TENM2: variants seen among roughly 807,000 people sequenced by gnomAD.
The protein encoded by TENM2 is teneurin-2.
Under a neutral mutation model 245.2 loss-of-function variants are expected in TENM2, and 52 were observed. The ratio of observed to expected loss-of-function variants is 0.21; its 90% CI spans 0.17 to 0.27. The LOEUF is 0.27. TENM2 is among the 10% of genes least tolerant of loss of function. TENM2 has a pLI of 1.00. For missense variants in TENM2, 3,046 were observed against 3,666.8 expected (o/e 0.83, Z 4.37); for synonymous variants, 1,363 against 1,438.9 (o/e 0.95, Z 1.19).
the TENM2 span, among the ~76,000 whole-genome samples, chr5:167,086,918 A>AACAC: frequency 9.1e-6 from 1 of 109,938 alleles, no homozygotes; most frequent in Admixed American, 8.6e-5. Context: ...AGGAAACTCT[A>AACAC]ACACACACAC....
intron 1 of TENM2, among the ~76,000 whole-genome samples, chr5:167,338,900 T>C (rs1051973942): frequency 6.6e-5 from 10 of 152,150 alleles, no homozygotes; most frequent in Non-Finnish European, 1.2e-4. Flanking sequence ...TCCTCTTGTT[T>C]TAAGTCATCA....
At chr5:168,200,109 G>T (rs1415939972) in exon 17 of TENM2, 1 of 1,613,528 alleles carries the variant, frequency 6.2e-7, no homozygotes, top group Non-Finnish European at 8.5e-7. Flanking sequence ...GCCAAAGGGT[G>T]TATGGACTCT....
At chr5:167,992,742 T>C (rs1450683926) in intron 4 of TENM2, among the ~76,000 whole-genome samples, 1 of 152,216 alleles carries the variant, frequency 6.6e-6, no homozygotes, top group African/African-American at 2.4e-5. Context: ...TAGATGCATA[T>C]GTGAAAGGAG....
intron 1 of TENM2, among the ~76,000 whole-genome samples, chr5:167,312,993 C>T (rs1367403695): frequency 6.6e-6 from 1 of 151,032 alleles, no homozygotes; most frequent in Non-Finnish European, 1.5e-5. Flanking sequence ...ACCTCTGCTT[C>T]CTGGGTTCAA....
At chr5:167,009,166 G>A in the TENM2 span, among the ~76,000 whole-genome samples, 29 of 152,132 alleles carry the variant, frequency 1.9e-4, 1 homozygote, top group African/African-American at 5.3e-4. Context: ...GTGTCATATC[G>A]TTTATATTGA....
At chr5:167,125,211 G>T in the TENM2 span, among the ~76,000 whole-genome samples, 14 of 152,230 alleles carry the variant, frequency 9.2e-5, no homozygotes, top group African/African-American at 3.4e-4. Flanking sequence ...TACAGTGAGA[G>T]ACCCAAAGGC....
At chr5:167,682,620 G>A (rs1756807569) in intron 2 of TENM2, among the ~76,000 whole-genome samples, 1 of 152,064 alleles carries the variant, frequency 6.6e-6, no homozygotes, top group Admixed American at 6.6e-5. Flanking sequence ...TAGTATTGGT[G>A]TTCCTTTTAT....
At chr5:167,363,625 G>A (rs1177434654) in intron 1 of TENM2, among the ~76,000 whole-genome samples, 2 of 151,046 alleles carry the variant, frequency 1.3e-5, no homozygotes, top group South Asian at 4.2e-4. Flanking sequence ...CAGCTACTCG[G>A]GAGGCTGAGG....
intron 1 of TENM2, among the ~76,000 whole-genome samples, chr5:167,363,730 C>CAAAAAAAAAAAAAAAAAAA (rs10659741): frequency 3.4e-5 from 3 of 89,312 alleles, no homozygotes; most frequent in Admixed American, 1.5e-4. Context: ...GACTCCATCT[C>CAAAAAAAAAAAAAAAAAAA]AAAAAAAAAA....
intron 3 of TENM2, among the ~76,000 whole-genome samples, chr5:167,881,547 C>G (rs1262375135): frequency 1.3e-5 from 2 of 152,132 alleles, no homozygotes; most frequent in African/African-American, 4.8e-5. Context: ...GTCAGGATAT[C>G]AAGTGCAAAC....
chr5:167,577,970 T>C (rs935187400), intron 2 of TENM2, among the ~76,000 whole-genome samples: 2 of 152,152 alleles, frequency 1.3e-5, no homozygotes, highest in East Asian at 1.9e-4. Context: ...AGGGGTGAAA[T>C]GTGAAAACAC....
chr5:167,918,537 CA>C (rs1413377517), intron 3 of TENM2, among the ~76,000 whole-genome samples: 3 of 152,296 alleles, frequency 2.0e-5, no homozygotes, highest in East Asian at 3.9e-4. Flanking sequence ...ACCATAAAGG[CA>C]GGACTGGAAT....
At chr5:167,200,931 A>T in the TENM2 span, among the ~76,000 whole-genome samples, 89 of 152,330 alleles carry the variant, frequency 5.8e-4, no homozygotes, top group Non-Finnish European at 9.1e-4. Context: ...TCCAAGAACC[A>T]TGAATATTAT....
chr5:167,483,887 C>G (rs942911803), intron 2 of TENM2, among the ~76,000 whole-genome samples: 1 of 152,110 alleles, frequency 6.6e-6, no homozygotes, highest in African/African-American at 2.4e-5. Flanking sequence ...GACAGAGTAC[C>G]AAGCTCTGAA....
intron 2 of TENM2, among the ~76,000 whole-genome samples, chr5:167,841,079 G>A (rs1339541623): frequency 1.4e-5 from 2 of 145,234 alleles, no homozygotes; most frequent in African/African-American, 2.5e-5. Context: ...TTTTTGAGAT[G>A]GGAGTCTCGC....
At chr5:167,308,398 G>A (rs775937361) in intron 1 of TENM2, among the ~76,000 whole-genome samples, 8 of 152,272 alleles carry the variant, frequency 5.3e-5, no homozygotes, top group African/African-American at 1.9e-4. Flanking sequence ...GACAAAATAC[G>A]TTGTAAAGAG....
At position 167,505,764 on chromosome 5, in the gene TENM2, A is replaced by C. The variant is rs1196053911; in HGVS notation, c.502+130291A>C. ...ACAGGCAGGCATAAATTTAAAACCC[A>C]CATAAGTTGTATAATTACTAGTGTG... is the stretch of plus-strand genomic sequence containing the variant. On this transcript the variant is annotated intron_variant, in intron 2 of 28. Transcript: ENST00000518659. Among the ~76,000 whole-genome samples, 3 of 152,318 alleles carry C rather than the reference A, an allele frequency of 2.0e-5. No homozygotes were observed. In the East Asian group the frequency reaches 5.8e-4, roughly 29 times the overall value.
intron 25 of TENM2, among the ~76,000 whole-genome samples, chr5:168,236,660 C>T (rs950424790): frequency 1.3e-5 from 2 of 151,954 alleles, no homozygotes; most frequent in Non-Finnish European, 2.9e-5. Flanking sequence ...GCTCACCTGT[C>T]GTTATCCCCC....
chr5:167,295,950 A>C (rs1263233433), intron 1 of TENM2, among the ~76,000 whole-genome samples: 1 of 152,246 alleles, frequency 6.6e-6, no homozygotes, highest in Non-Finnish European at 1.5e-5. Context: ...TATTAAAAAT[A>C]AGTGTAATAT....
Sources: allele counts gnomAD v4.1 joint callset (sites outside exome capture counted in the v4.1 genomes callset), GRCh38; gene constraint gnomAD v4.1.1; transcripts MANE v1.5; gene names NCBI Gene and HGNC (gene_info 2026-07-23, HGNC 2026-07-21).